The following JAM2 variants were observed in gnomAD, a reference collection of about 807,000 sequenced individuals.
JAM2 encodes the protein junctional adhesion molecule 2, also known as junctional adhesion molecule B.
JAM2 carries 17 observed loss-of-function variants against 42.0 expected under a neutral mutation model. The observed-to-expected ratio is 0.40, with a 90% CI of 0.28 to 0.61. The LOEUF is 0.61. JAM2 is among the 20% of genes least tolerant of loss of function. The pLI is 0.37. For synonymous variants in JAM2, 118 were observed against 128.6 expected (o/e 0.92, Z 0.56); for missense variants, 319 against 358.3 (o/e 0.89, Z 0.89).
chr21:25,706,424 T>C (rs1656936217), intron 7 of JAM2, among the ~76,000 whole-genome samples: 1 of 152,174 alleles, frequency 6.6e-6, no homozygotes, highest in Admixed American at 6.5e-5. Flanking sequence ...TCAAGTGATC[T>C]GCCTGCCTTG....
intron 1 of JAM2, among the ~76,000 whole-genome samples, chr21:25,675,643 G>C (rs917453153): frequency 6.6e-6 from 1 of 151,644 alleles, no homozygotes; most frequent in African/African-American, 2.4e-5. Flanking sequence ...AAAGAAGGGA[G>C]GAAGGGAGGA....
intron 1 of JAM2, among the ~76,000 whole-genome samples, chr21:25,645,833 G>A (rs1600986292): frequency 1.3e-5 from 2 of 152,172 alleles, no homozygotes; most frequent in South Asian, 4.1e-4. Flanking sequence ...ACTGGATACT[G>A]TAGGCAACGG....
intron 9 of JAM2, among the ~76,000 whole-genome samples, chr21:25,713,827 C>T (rs530992753): frequency 6.6e-6 from 1 of 152,296 alleles, no homozygotes; most frequent in Admixed American, 6.5e-5. Context: ...TACTCCCATC[C>T]CTCCAAACAG....
chr21:25,644,761 T>A (rs2032554399), intron 1 of JAM2, among the ~76,000 whole-genome samples: 1 of 152,228 alleles, frequency 6.6e-6, no homozygotes, highest in African/African-American at 2.4e-5. Flanking sequence ...ACAGCGACAG[T>A]GTTTTCAGTG....
chr21:25,711,512 A>G, intron 8 of JAM2: 1 of 416,240 alleles, frequency 2.4e-6, no homozygotes, highest in Admixed American at 2.9e-5. Context: ...TTGAAGAATC[A>G]TCTGCCATTG....
At chr21:25,686,955 T>C (rs1450048557) in intron 2 of JAM2, among the ~76,000 whole-genome samples, 2 of 152,248 alleles carry the variant, frequency 1.3e-5, no homozygotes, top group Non-Finnish European at 2.9e-5. Context: ...ATAGATATTT[T>C]GGCAATGAAA....
intron 1 of JAM2, among the ~76,000 whole-genome samples, chr21:25,662,432 G>T (rs1331153323): frequency 2.7e-3 from 1 of 364 alleles, no homozygotes. Flanking sequence ...TTACAGGCGT[G>T]AGCACTGTGA....
intron 1 of JAM2, among the ~76,000 whole-genome samples, chr21:25,661,043 G>A (rs551425183): frequency 4.5e-4 from 68 of 151,618 alleles, no homozygotes; most frequent in Middle Eastern, 3.4e-3. Flanking sequence ...CGCCCACCTC[G>A]GCCTCCCAGA....
At position 25,693,896 on chromosome 21, in the gene JAM2, C is replaced by G. The variant is rs1291805925; in HGVS notation, c.382C>G (p.Leu128Val). The change falls in exon 4 of 10, where the codon CTG (leucine) becomes GTG (valine). Residue 128 changes from leucine (L) to valine (V), a missense_variant. By Grantham distance (32) the Leu-to-Val change is conservative (BLOSUM62 1). Transcript: ENST00000480456. ...GQNLEEDTVT[L>V]EVLVAPAVPS... ...AAACCTGGAAGAGGATACAGTCACT[C>G]TGGAAGTATTAGGTGATGTGCATGT... 1 of 1,614,142 alleles carries G rather than the reference C, an allele frequency of 6.2e-7. No homozygotes were observed. Among genetic ancestry groups the G allele is most frequent in the African/African-American group, 1.3e-5 (1 of 75,058 alleles).
intron 2 of JAM2, among the ~76,000 whole-genome samples, chr21:25,685,088 G>A (rs1359943145): frequency 2.0e-5 from 3 of 152,098 alleles, no homozygotes; most frequent in Admixed American, 1.3e-4. Context: ...GTATGTCTTA[G>A]GTTCCTGGAG....
chr21:25,654,761 C>T (rs969262390), intron 1 of JAM2, among the ~76,000 whole-genome samples: 6 of 152,036 alleles, frequency 3.9e-5, no homozygotes, highest in Non-Finnish European at 7.4e-5. Flanking sequence ...TCTCAGCAAG[C>T]GAACTTTCAT....
intron 6 of JAM2, among the ~76,000 whole-genome samples, chr21:25,703,137 C>T (rs1314531848): frequency 6.6e-5 from 10 of 152,226 alleles, no homozygotes; most frequent in Admixed American, 6.5e-4. Context: ...CAGGTGTGAG[C>T]CACCGTACCC....
At chr21:25,646,126 T>C (rs930422203) in intron 1 of JAM2, among the ~76,000 whole-genome samples, 4 of 152,216 alleles carry the variant, frequency 2.6e-5, no homozygotes, top group Admixed American at 6.5e-5. Context: ...ACGGGCGTTA[T>C]AGCATCACTA....
chr21:25,695,800 C>T (rs556404293), intron 4 of JAM2, among the ~76,000 whole-genome samples: 132 of 148,088 alleles, frequency 8.9e-4, no homozygotes, highest in African/African-American at 3.0e-3. Context: ...GGGTCGCGGC[C>T]GGGCAGAGGC....
intron 1 of JAM2, among the ~76,000 whole-genome samples, chr21:25,642,675 A>G (rs1021379542): frequency 1.3e-5 from 2 of 152,098 alleles, no homozygotes; most frequent in Admixed American, 6.5e-5. Flanking sequence ...GTTTAGTTGA[A>G]TTACATTTTT....
At chr21:25,714,321 A>G (rs1165188546) in intron 9 of JAM2, 1 of 684,534 alleles carries the variant, frequency 1.5e-6, no homozygotes, top group Non-Finnish European at 2.2e-6. Flanking sequence ...TCTGGCCAAT[A>G]TGGTGAAACC....
chr21:25,665,298 T>C (rs762902513), intron 1 of JAM2, among the ~76,000 whole-genome samples: 1 of 152,164 alleles, frequency 6.6e-6, no homozygotes, highest in Non-Finnish European at 1.5e-5. Context: ...TTATGTAAGG[T>C]TGTTTTAGAT....
chr21:25,688,445 G>T (rs2033803913), intron 2 of JAM2, among the ~76,000 whole-genome samples: 3 of 152,174 alleles, frequency 2.0e-5, no homozygotes, highest in African/African-American at 7.2e-5. Flanking sequence ...AATACCGGAA[G>T]GAAACCTATC....
At chr21:25,655,217 G>T (rs2032896842) in intron 1 of JAM2, among the ~76,000 whole-genome samples, 1 of 151,486 alleles carries the variant, frequency 6.6e-6, no homozygotes, top group Non-Finnish European at 1.5e-5. Flanking sequence ...ACTTTAATCT[G>T]GATGATGACT....
Sources: gnomAD v4.1 joint callset for allele counts (sites outside exome capture counted in the v4.1 genomes callset) on GRCh38, gnomAD v4.1.1 for gene constraint, MANE v1.5 for transcripts, NCBI Gene and HGNC (gene_info 2026-07-23, HGNC 2026-07-21) for gene names.